PITPNM2: variants seen among roughly 807,000 people sequenced by gnomAD.
PITPNM2 encodes the protein phosphatidylinositol transfer protein membrane associated 2, also known as membrane-associated phosphatidylinositol transfer protein 2.
Under a neutral mutation model 132.2 loss-of-function variants are expected in PITPNM2, and 35 were observed. The ratio of observed to expected loss-of-function variants is 0.26; its 90% confidence interval spans 0.20 to 0.35. The LOEUF (loss-of-function observed/expected upper bound fraction) is 0.35, where lower values mean the gene tolerates loss of function less well. Ranked by LOEUF, PITPNM2 falls within the 10% of genes least tolerant of loss-of-function variation. PITPNM2 has a pLI of 1.00. For synonymous variants in PITPNM2, 738 were observed against 799.2 expected, an observed-to-expected ratio of 0.92 and a Z score of 1.29; for missense variants, 1,332 against 1,912.0, an observed-to-expected ratio of 0.70 and a Z score of 5.66.
intron 2 of PITPNM2, among the ~76,000 whole-genome samples, chr12:123,073,762 C>T (rs1032105084): frequency 2.0e-5 from 3 of 152,184 alleles, no homozygotes; most frequent in African/African-American, 4.8e-5. Context: ...AGAGTGGCCT[C>T]GTACTCTGGG....
intron 1 of PITPNM2, among the ~76,000 whole-genome samples, chr12:123,118,621 C>T (rs1220932040): frequency 6.6e-6 from 1 of 152,094 alleles, no homozygotes; most frequent in East Asian, 1.9e-4. Context: ...GGAATGTCCA[C>T]GGGGCCAGTG....
chr12:122,999,088 G>A (rs898112483), intron 10 of PITPNM2, among the ~76,000 whole-genome samples: 1 of 151,188 alleles, frequency 6.6e-6, no homozygotes, highest in African/African-American at 2.4e-5. Context: ...TGCAAACTGG[G>A]TCACAGAGTG....
At chr12:123,135,969 T>A (rs1476533540) in intron 1 of PITPNM2, among the ~76,000 whole-genome samples, 1 of 152,224 alleles carries the variant, frequency 6.6e-6, no homozygotes, top group Non-Finnish European at 1.5e-5. Context: ...TTTGGTTTTT[T>A]AATTTATCTT....
Position 123,077,716 on chromosome 12 carries a change from G to A in PITPNM2, c.-96+32669C>T, listed in dbSNP as rs142616090. ...TCTTCGGAGAGAAAGCAAGCAGCCC[G>A]CGTGACCAGACAGAGCCTTCCTTGC... On this transcript the variant is annotated intron_variant, in intron 2 of 25. Transcript: ENST00000320201. This position sits in a 1 kb window ranked among gnomAD's most constrained non-coding sequence, Gnocchi z 4.8. 4.5e-3 allele frequency among the ~76,000 whole-genome samples: 690 copies of A among 152,308 alleles called. 4 individuals carry two copies. Among genetic ancestry groups the A allele is most frequent in the South Asian group, 0.017 (83 of 4,824 alleles).
At chr12:122,991,215 T>A (rs2038171466) in intron 16 of PITPNM2, among the ~76,000 whole-genome samples, 1 of 152,184 alleles carries the variant, frequency 6.6e-6, no homozygotes, top group African/African-American at 2.4e-5. Flanking sequence ...CAGCCCCTGA[T>A]GGGCGTTTGG....
At chr12:123,027,928 C>G (rs1490908198) in intron 3 of PITPNM2, among the ~76,000 whole-genome samples, 3 of 152,244 alleles carry the variant, frequency 2.0e-5, no homozygotes, top group Non-Finnish European at 2.9e-5. Context: ...TAGGAGCAAG[C>G]TCTTCTCGAA....
intron 2 of PITPNM2, among the ~76,000 whole-genome samples, chr12:123,046,832 G>T (rs949996637): frequency 1.3e-5 from 2 of 152,180 alleles, no homozygotes; most frequent in Non-Finnish European, 1.5e-5. Context: ...TATAACTAAG[G>T]AGACCCAGGG....
intron 2 of PITPNM2, among the ~76,000 whole-genome samples, chr12:123,067,914 C>G (rs1469653256): frequency 1.3e-5 from 2 of 152,162 alleles, no homozygotes; most frequent in African/African-American, 4.8e-5. Context: ...ACACTAGCAT[C>G]TGGGCAGGAC....
intron 1 of PITPNM2, among the ~76,000 whole-genome samples, chr12:123,135,697 C>T (rs1619483): frequency 0.99 from 150,780 of 152,322 alleles, 74,634 homozygotes; most frequent in East Asian, 1. Flanking sequence ...CAGGATTTCC[C>T]TTTTTGTTTG....
At chr12:123,120,080 A>G (rs1365012517) in intron 1 of PITPNM2, among the ~76,000 whole-genome samples, 1 of 152,182 alleles carries the variant, frequency 6.6e-6, no homozygotes, top group East Asian at 1.9e-4. Flanking sequence ...ATAGCCGACA[A>G]GGGCTTTCTG....
In PITPNM2 at chr12:122,989,962, G is replaced by T; in HGVS notation, c.2570-14C>A. On this transcript the variant is annotated splice_polypyrimidine_tract_variant and intron_variant, in intron 17 of 25. Coordinates refer to ENST00000320201, the MANE Select transcript of PITPNM2 (RefSeq NM_020845.3). Reference sequence around the variant, plus strand: ...CATCGGGGGCCTCTGAGAAGCAAGAGCAATGGATGGCTCAGCCACGCGGGG... The same window carrying T: ...CATCGGGGGCCTCTGAGAAGCAAGATCAATGGATGGCTCAGCCACGCGGGG... The T allele has an allele frequency of 7.7e-7, 1 of 1,301,716 alleles. No individual in the cohort carries two copies. The highest frequency in any genetic ancestry group is 9.8e-7 in the Non-Finnish European group (1 of 1,020,978). The allele number at this position is 1,301,716 out of a possible 1,614,324, so 80.6% of individuals were successfully genotyped here.
At chr12:123,098,059 GA>G (rs2042457425) in intron 2 of PITPNM2, among the ~76,000 whole-genome samples, 1 of 152,198 alleles carries the variant, frequency 6.6e-6, no homozygotes, top group South Asian at 2.1e-4. Context: ...AAAGAGAGAA[GA>G]ATCAAAGGCA....
intron 1 of PITPNM2, among the ~76,000 whole-genome samples, chr12:123,143,020 T>C (rs2043538727): frequency 6.6e-6 from 1 of 152,212 alleles, no homozygotes; most frequent in African/African-American, 2.4e-5. Context: ...TAAGCACGCA[T>C]CCACACCTGT....
intron 3 of PITPNM2, among the ~76,000 whole-genome samples, chr12:123,018,871 C>A (rs1291769043): frequency 6.7e-6 from 1 of 148,994 alleles, no homozygotes; most frequent in African/African-American, 2.5e-5. Context: ...GCAACCTCTG[C>A]CTCCCAGGCT....
intron 2 of PITPNM2, among the ~76,000 whole-genome samples, chr12:123,079,657 T>TGTTTTATGATGAAAGTGTTCAAGCATATG (rs1216198776): frequency 6.6e-6 from 1 of 152,230 alleles, no homozygotes; most frequent in African/African-American, 2.4e-5. Flanking sequence ...TCTCTCTCAC[T>TGTTTTATGATGAAAGTGTTCAAGCATATG]GTTTTATGAT....
At chr12:123,140,281 C>A (rs1387075183) in intron 1 of PITPNM2, among the ~76,000 whole-genome samples, 1 of 152,194 alleles carries the variant, frequency 6.6e-6, no homozygotes, top group Non-Finnish European at 1.5e-5. Context: ...ACAGGCCCTT[C>A]TGCTCCTTCA....
At chr12:123,003,051 G>A (rs543264895) in intron 8 of PITPNM2, among the ~76,000 whole-genome samples, 1 of 152,222 alleles carries the variant, frequency 6.6e-6, no homozygotes, top group East Asian at 1.9e-4. Flanking sequence ...ATACATTACT[G>A]TTAACTCTAG....
chr12:122,986,605 C>T (rs541710746), intron 24 of PITPNM2, 41 bp from the exon 25 acceptor site: 1 of 1,601,034 alleles, frequency 6.2e-7, no homozygotes, highest in East Asian at 2.2e-5. Context: ...CATGGTCCCT[C>T]TGCCCCCACC....
intron 1 of PITPNM2, among the ~76,000 whole-genome samples, chr12:123,127,997 G>A (rs2043183376): frequency 1.3e-5 from 2 of 152,002 alleles, no homozygotes; most frequent in African/African-American, 4.8e-5. Flanking sequence ...TCTTGCAACA[G>A]ACATTAAAAG....
Sources: allele counts gnomAD v4.1 joint callset (sites outside exome capture counted in the v4.1 genomes callset), GRCh38; gene constraint gnomAD v4.1.1; non-coding constraint Gnocchi (gnomAD v3.1); transcripts MANE v1.5; gene names NCBI Gene and HGNC (gene_info 2026-07-23, HGNC 2026-07-21).